The following PRSS3 variants were observed in gnomAD, a reference collection of about 807,000 sequenced individuals.
PRSS3 encodes trypsin-3.
Under a neutral mutation model 20.8 loss-of-function variants are expected in PRSS3, and 14 were observed. That is an observed-to-expected ratio of 0.67 (90% CI 0.44 to 1.05). The LOEUF (loss-of-function observed/expected upper bound fraction) is 1.05. PRSS3 is among the 50% of genes least tolerant of loss of function. The pLI, the probability that PRSS3 is intolerant of heterozygous loss-of-function variation, is 0.00. For missense variants in PRSS3, 237 were observed against 306.4 expected, an observed-to-expected ratio of 0.77 and a Z score of 1.69; for synonymous variants, 91 against 117.6, an observed-to-expected ratio of 0.77 and a Z score of 1.46.
chr9:33,752,671 C>T (rs545106295), intron 1 of PRSS3, among the ~76,000 whole-genome samples: 40 of 152,322 alleles, frequency 2.6e-4, no homozygotes, highest in Non-Finnish European at 5.1e-4. Context: ...AACCAGCCAG[C>T]CCTCTCCCCG....
chr9:33,755,411 C>T (rs1294656973), intron 1 of PRSS3, among the ~76,000 whole-genome samples: 1 of 152,038 alleles, frequency 6.6e-6, no homozygotes, highest in Non-Finnish European at 1.5e-5. Flanking sequence ...TTACCATATC[C>T]TAAATAGCAT....
At chr9:33,782,407 G>A (rs372270504) in intron 1 of PRSS3, among the ~76,000 whole-genome samples, 49 of 152,240 alleles carry the variant, frequency 3.2e-4, no homozygotes, top group African/African-American at 1.0e-3. Flanking sequence ...ACCTGCATAT[G>A]TACCCCCTGT....
At chr9:33,751,856 G>T (rs776576147) in intron 1 of PRSS3, among the ~76,000 whole-genome samples, 7 of 152,184 alleles carry the variant, frequency 4.6e-5, no homozygotes, top group Non-Finnish European at 8.8e-5. Flanking sequence ...GCCCAGTGGC[G>T]TCAGACTTAG....
At chr9:33,791,539 A>G (rs73493309), upstream of PRSS3, among the ~76,000 whole-genome samples, 400 of 152,332 alleles carry the variant, frequency 2.6e-3, 5 homozygotes, top group African/African-American at 9.0e-3. Context: ...AAATAAATAC[A>G]TACACCATAT....
At chr9:33,752,201 C>A (rs1453685105) in intron 1 of PRSS3, among the ~76,000 whole-genome samples, 1 of 152,206 alleles carries the variant, frequency 6.6e-6, no homozygotes, top group Non-Finnish European at 1.5e-5. Flanking sequence ...CTCCCGCACC[C>A]TTCTGGTTGA....
intron 1 of PRSS3, among the ~76,000 whole-genome samples, chr9:33,773,750 C>CCT (rs1265349814): frequency 1.3e-5 from 2 of 152,146 alleles, no homozygotes; most frequent in African/African-American, 4.8e-5. Context: ...CTCAAGCAAT[C>CCT]CTCCCATCTC....
chr9:33,776,623 T>A (rs1412809101), intron 1 of PRSS3, among the ~76,000 whole-genome samples: 3 of 152,042 alleles, frequency 2.0e-5, no homozygotes, highest in Admixed American at 1.3e-4. Context: ...AGAACAAGAA[T>A]GAGGAAAGAA....
At chr9:33,785,634 A>G (rs984102318) in intron 1 of PRSS3, among the ~76,000 whole-genome samples, 3 of 152,208 alleles carry the variant, frequency 2.0e-5, no homozygotes, top group South Asian at 4.1e-4. Flanking sequence ...CATATAAGAG[A>G]CAATGCATTT....
intron 1 of PRSS3, among the ~76,000 whole-genome samples, chr9:33,787,302 A>G (rs531547376): frequency 3.9e-5 from 6 of 152,206 alleles, no homozygotes; most frequent in Non-Finnish European, 7.4e-5. Context: ...GTGGATAGGA[A>G]TTATAAAGCC....
intron 1 of PRSS3, among the ~76,000 whole-genome samples, chr9:33,760,836 G>T (rs201353205): frequency 5.3e-5 from 8 of 151,028 alleles, no homozygotes; most frequent in Admixed American, 2.0e-4. Context: ...TTCAGGCTAG[G>T]ACCCAGGTAT....
At chr9:33,767,574 A>C (rs1823492457) in intron 1 of PRSS3, among the ~76,000 whole-genome samples, 1 of 152,162 alleles carries the variant, frequency 6.6e-6, no homozygotes, top group Non-Finnish European at 1.5e-5. Flanking sequence ...CCGTAATCCC[A>C]GCACTTTGGG....
chr9:33,787,957 G>A (rs914915222), intron 1 of PRSS3, among the ~76,000 whole-genome samples: 1 of 152,222 alleles, frequency 6.6e-6, no homozygotes, highest in Non-Finnish European at 1.5e-5. Context: ...CTAGGCTCAG[G>A]AAAGCTGTCC....
chr9:33,789,401 G>A lies in PRSS3; in HGVS notation c.-52-5345G>A, dbSNP rs1193947889. ...AACCCCAATGGGCTGACTGTTCAGCGACCATGAATATTCAGAGGAATTTTT... is the reference window on the plus strand; with the variant it reads ...AACCCCAATGGGCTGACTGTTCAGCAACCATGAATATTCAGAGGAATTTTT... On this transcript the variant is annotated intron_variant, in intron 1 of 5. Coordinates refer to the PRSS3 transcript ENST00000342836. Among the ~76,000 whole-genome samples the A allele has an allele frequency of 7.2e-5, 11 of 152,230 alleles. 1 individual carries two copies. In the East Asian group the frequency reaches 7.7e-4, roughly 11 times the overall value.
At chr9:33,768,749 G>C (rs1302762703) in intron 1 of PRSS3, among the ~76,000 whole-genome samples, 1 of 151,726 alleles carries the variant, frequency 6.6e-6, no homozygotes, top group Non-Finnish European at 1.5e-5. Context: ...CCAGCTACTC[G>C]GGGAGCTGAG....
chr9:33,775,700 GTT>G (rs34447292), intron 1 of PRSS3, among the ~76,000 whole-genome samples: 12 of 128,656 alleles, frequency 9.3e-5, no homozygotes, highest in East Asian at 2.3e-4. Context: ...TGGGCTTGAA[GTT>G]TTTTTTTTTT....
At chr9:33,781,462 T>A (rs1188441434) in intron 1 of PRSS3, among the ~76,000 whole-genome samples, 1 of 152,130 alleles carries the variant, frequency 6.6e-6, no homozygotes, top group East Asian at 1.9e-4. Flanking sequence ...CACTTACAAG[T>A]GGGAACTAAA....
chr9:33,780,982 A>G (rs1824159963), intron 1 of PRSS3, among the ~76,000 whole-genome samples: 1 of 152,250 alleles, frequency 6.6e-6, no homozygotes, highest in South Asian at 2.1e-4. Flanking sequence ...TCATTGAGGC[A>G]GAAAACTAAC....
intron 1 of PRSS3, among the ~76,000 whole-genome samples, chr9:33,755,660 G>A (rs1482334635): frequency 6.6e-6 from 1 of 151,906 alleles, no homozygotes; most frequent in African/African-American, 2.4e-5. Flanking sequence ...TCCCCTTCTT[G>A]ACCAGTCTTT....
chr9:33,790,924 G>A (rs114536934), upstream of PRSS3, among the ~76,000 whole-genome samples: 2 of 152,174 alleles, frequency 1.3e-5, no homozygotes, highest in Admixed American at 1.3e-4. Flanking sequence ...AGGCATTTGA[G>A]TTTAGATAAT....
Sources: gnomAD v4.1 joint callset for allele counts (sites outside exome capture counted in the v4.1 genomes callset) on GRCh38, gnomAD v4.1.1 for gene constraint, MANE v1.5 for transcripts, NCBI Gene and HGNC (gene_info 2026-07-23, HGNC 2026-07-21) for gene names.